Variants in FTCDNL1 observed in about 807,000 individuals in gnomAD.
The protein encoded by FTCDNL1 is formiminotransferase cyclodeaminase N-terminal like.
FTCDNL1 carries 11 observed loss-of-function variants against 5.9 expected under a neutral mutation model. That is an observed-to-expected ratio of 1.87 (90% CI 1.18 to 3.10). FTCDNL1 has a LOEUF of 3.10. FTCDNL1 is among the 30% of genes most tolerant of loss of function. FTCDNL1 has a pLI of 0.00. For missense variants in FTCDNL1, 115 were observed against 65.5 expected (o/e 1.76, Z -2.61); for synonymous variants, 58 against 24.8 (o/e 2.34, Z -3.99).
intron 4 of FTCDNL1, chr2:199,818,763 C>T (rs928119815): frequency 2.6e-5 from 4 of 152,166 alleles, no homozygotes; most frequent in Non-Finnish European, 5.9e-5. Context: ...GCCCACCTCT[C>T]GCTCCTTGGA....
the FTCDNL1 span, among the ~76,000 whole-genome samples, chr2:199,731,750 T>C: frequency 6.6e-6 from 1 of 151,386 alleles, no homozygotes; most frequent in Non-Finnish European, 1.5e-5. Context: ...TAGCCGGGCG[T>C]AGTGGCGGGC....
chr2:199,825,912 G>A (rs1702000904), intron 3 of FTCDNL1, among the ~76,000 whole-genome samples: 1 of 152,196 alleles, frequency 6.6e-6, no homozygotes, highest in Non-Finnish European at 1.5e-5. Flanking sequence ...TGAGAAATGG[G>A]AGAATATTTA....
chr2:199,824,955 T>C (rs114696267), intron 3 of FTCDNL1, among the ~76,000 whole-genome samples: 7 of 152,010 alleles, frequency 4.6e-5, no homozygotes, highest in African/African-American at 1.7e-4. Context: ...CTGGGCATCA[T>C]GGTGAAACCC....
At chr2:199,830,207 C>T (rs1702279944) in intron 3 of FTCDNL1, among the ~76,000 whole-genome samples, 1 of 151,794 alleles carries the variant, frequency 6.6e-6, no homozygotes, top group Non-Finnish European at 1.5e-5. Flanking sequence ...AATTCTCTAC[C>T]GGAAGTAATA....
At chr2:199,814,593 G>C (rs1454647501) in intron 4 of FTCDNL1, among the ~76,000 whole-genome samples, 1 of 152,172 alleles carries the variant, frequency 6.6e-6, no homozygotes, top group Admixed American at 6.5e-5. Flanking sequence ...CTTGCCTGCT[G>C]TCAGGTTTTT....
the FTCDNL1 span, among the ~76,000 whole-genome samples, chr2:199,690,534 G>A: frequency 2.0e-5 from 3 of 152,044 alleles, no homozygotes; most frequent in African/African-American, 7.2e-5. Context: ...ACTCTATCTG[G>A]CCTTTCAAAG....
chr2:199,816,254 A>C (rs926391957), intron 4 of FTCDNL1, among the ~76,000 whole-genome samples: 4 of 152,174 alleles, frequency 2.6e-5, no homozygotes, highest in African/African-American at 9.7e-5. Flanking sequence ...AGACTGCCCA[A>C]ACTTGGCAAA....
intron 3 of FTCDNL1, among the ~76,000 whole-genome samples, chr2:199,782,886 A>G (rs1270550613): frequency 6.6e-6 from 1 of 152,194 alleles, no homozygotes; most frequent in Non-Finnish European, 1.5e-5. Flanking sequence ...CCATGTCTAA[A>G]AACTTGGTTC....
intron 3 of FTCDNL1, among the ~76,000 whole-genome samples, chr2:199,836,001 G>C (rs1247564463): frequency 6.6e-6 from 1 of 152,150 alleles, no homozygotes; most frequent in Admixed American, 6.5e-5. Flanking sequence ...TGGCTGGGGA[G>C]GGGGCTCCTA....
intron 3 of FTCDNL1, among the ~76,000 whole-genome samples, chr2:199,774,378 T>C (rs750684473): frequency 1.3e-5 from 2 of 152,228 alleles, no homozygotes; most frequent in African/African-American, 2.4e-5. Context: ...TGATTTATTA[T>C]ATTGTCCCTT....
downstream of FTCDNL1, among the ~76,000 whole-genome samples, chr2:199,759,297 G>T (rs183813744): frequency 0.012 from 1,652 of 141,948 alleles, 33 homozygotes; most frequent in African/African-American, 0.039. Flanking sequence ...ATCATTTGTT[G>T]TTTTTTTTTT....
chr2:199,848,621 G>A (rs752557422), intron 2 of FTCDNL1, among the ~76,000 whole-genome samples: 59 of 152,182 alleles, frequency 3.9e-4, no homozygotes, highest in Non-Finnish European at 3.7e-4. Context: ...TAAGAGCTGC[G>A]CTGCTGAGCG....
intron 3 of FTCDNL1, among the ~76,000 whole-genome samples, chr2:199,832,271 C>G (rs913105156): frequency 6.6e-6 from 1 of 152,246 alleles, no homozygotes; most frequent in South Asian, 2.1e-4. Context: ...ATACTGTACT[C>G]CATAACTCAT....
chr2:199,752,733 TC>T, the FTCDNL1 span, among the ~76,000 whole-genome samples: 59 of 18,510 alleles, frequency 3.2e-3, no homozygotes, highest in African/African-American at 4.1e-3. Context: ...ATACTATCTC[TC>T]TCTCTCTGTG....
At chr2:199,764,131 T>C (rs760577833) in intron 3 of FTCDNL1, among the ~76,000 whole-genome samples, 1 of 152,218 alleles carries the variant, frequency 6.6e-6, no homozygotes, top group Non-Finnish European at 1.5e-5. Flanking sequence ...CATGAGCCAC[T>C]GCACCTGGCC....
chr2:199,824,125 T>C (rs959209369), intron 3 of FTCDNL1, among the ~76,000 whole-genome samples: 3 of 152,232 alleles, frequency 2.0e-5, no homozygotes, highest in Non-Finnish European at 4.4e-5. Flanking sequence ...ACCTTCATCC[T>C]TGCTCTTAGC....
the FTCDNL1 span, among the ~76,000 whole-genome samples, chr2:199,666,922 A>T: frequency 6.6e-6 from 1 of 151,980 alleles, no homozygotes; most frequent in African/African-American, 2.4e-5. Flanking sequence ...AAAAAAAAAA[A>T]AAAAGTGATA....
intron 3 of FTCDNL1, among the ~76,000 whole-genome samples, chr2:199,781,757 G>GT (rs368893680): frequency 0.018 from 2,531 of 141,258 alleles, 28 homozygotes; most frequent in Middle Eastern, 0.024. Context: ...GTGAGGTATT[G>GT]TTTTTTTTTC....
the FTCDNL1 span, among the ~76,000 whole-genome samples, chr2:199,680,490 G>T: frequency 1.3e-5 from 2 of 152,148 alleles, no homozygotes; most frequent in Non-Finnish European, 2.9e-5. Context: ...GGAACTGGGG[G>T]CTTGAAACCA....
Sources: allele counts gnomAD v4.1 joint callset (sites outside exome capture counted in the v4.1 genomes callset), GRCh38; gene constraint gnomAD v4.1.1; transcripts MANE v1.5; gene names NCBI Gene and HGNC (gene_info 2026-07-23, HGNC 2026-07-21).